The following DPP6 variants were observed in gnomAD, a reference collection of about 807,000 sequenced individuals.
DPP6 encodes the protein A-type potassium channel modulatory protein DPP6.
A neutral mutation model predicts 122.6 loss-of-function variants in DPP6; 69 were observed. The observed-to-expected ratio is 0.56, with a 90% CI of 0.46 to 0.69. The LOEUF is 0.69. DPP6 is among the 30% of genes least tolerant of loss of function. The probability of loss-of-function intolerance (pLI) is 0.00; values close to 1 mark genes in which losing one functional copy is unlikely to be tolerated. For missense variants in DPP6, 928 were observed against 1,116.9 expected (o/e 0.83, Z 2.41); for synonymous variants, 418 against 433.1 (o/e 0.97, Z 0.43).
chr7:154,497,634 G>T (rs1586457571), intron 3 of DPP6, among the ~76,000 whole-genome samples: 1 of 150,438 alleles, frequency 6.6e-6, no homozygotes, highest in Admixed American at 6.6e-5. Flanking sequence ...AAAAAGAAAA[G>T]AAAAAAGAGC....
intron 1 of DPP6, among the ~76,000 whole-genome samples, chr7:153,913,821 G>A (rs192892437): frequency 6.6e-6 from 1 of 152,178 alleles, no homozygotes; most frequent in Admixed American, 6.5e-5. Context: ...CTGAGTAAGG[G>A]GGGGAAGAGG....
At chr7:153,845,627 C>T in the DPP6 span, among the ~76,000 whole-genome samples, 9 of 151,890 alleles carry the variant, frequency 5.9e-5, no homozygotes, top group African/African-American at 1.4e-4. Context: ...TTGTGCTTTT[C>T]ATTTATCTGT....
rs1436214317 is a variant in DPP6 at position 154,241,184 on chromosome 7, T to TATGCGTGC, written c.243+188124_243+188125insCGTGCATG. Among the ~76,000 whole-genome samples the TATGCGTGC allele has an allele frequency of 5.7e-3, 573 of 100,684 alleles. 3 individuals carry two copies. The highest frequency in any genetic ancestry group is 0.024 in the African/African-American group (538 of 22,804). 66.1% of individuals were successfully genotyped at this position (100,684 alleles called of 152,430 possible). A position where few individuals can be genotyped will look rare whatever the true frequency, so the allele number is the denominator to read the frequency against. On this transcript the variant is annotated intron_variant, in intron 1 of 25. Transcript: ENST00000377770. The surrounding 1 kb of genome is among the most constrained non-coding windows in gnomAD (Gnocchi z 9.0). ...TGCACAGTAGGTAATTCAATATCAA[T>TATGCGTGC]ATGTGTGTGTGTGTGTGTGTGTGTG... is the stretch of plus-strand genomic sequence containing the variant.
At chr7:154,641,077 G>T (rs1036331907) in intron 6 of DPP6, among the ~76,000 whole-genome samples, 1 of 152,088 alleles carries the variant, frequency 6.6e-6, no homozygotes, top group Non-Finnish European at 1.5e-5. Flanking sequence ...TTTCAGGACG[G>T]ACTACCCCTT....
chr7:154,244,726 G>T (rs980123884), intron 1 of DPP6, among the ~76,000 whole-genome samples: 4 of 151,774 alleles, frequency 2.6e-5, no homozygotes, highest in African/African-American at 9.7e-5. Flanking sequence ...ACCTAATAAG[G>T]GAATTGAAAA....
chr7:154,015,691 C>T (rs1219931172), intron 1 of DPP6, among the ~76,000 whole-genome samples: 2 of 152,128 alleles, frequency 1.3e-5, no homozygotes, highest in East Asian at 3.9e-4. Flanking sequence ...GATCCCATCT[C>T]CAAAATATAC....
At chr7:154,489,137 G>C (rs1483123430) in intron 3 of DPP6, among the ~76,000 whole-genome samples, 4 of 152,146 alleles carry the variant, frequency 2.6e-5, no homozygotes, top group Non-Finnish European at 5.9e-5. Context: ...TGTTTATGGG[G>C]TCTTCCAACA....
chr7:154,055,733 G>T (rs1800770420), intron 1 of DPP6: 2 of 152,344 alleles, frequency 1.3e-5, no homozygotes, highest in South Asian at 2.1e-4. Context: ...TCTTGGCTTA[G>T]CGCAGGAGAA....
At chr7:153,792,067 T>A in the DPP6 span, among the ~76,000 whole-genome samples, 1 of 152,258 alleles carries the variant, frequency 6.6e-6, no homozygotes, top group South Asian at 2.1e-4. Context: ...CTAATATTTT[T>A]ATTGTACACA....
chr7:153,810,879 C>CT, the DPP6 span, among the ~76,000 whole-genome samples: 1 of 152,150 alleles, frequency 6.6e-6, no homozygotes, highest in African/African-American at 2.4e-5. Context: ...AGCCTCAGAA[C>CT]AAATCACACC....
intron 17 of DPP6, among the ~76,000 whole-genome samples, chr7:154,864,172 T>C (rs1411782407): frequency 1.3e-5 from 2 of 152,228 alleles, no homozygotes; most frequent in African/African-American, 4.8e-5. Context: ...GTTTTATTTC[T>C]TGTAGAAATG....
chr7:153,901,264 A>C (rs1208057961), intron 1 of DPP6, among the ~76,000 whole-genome samples: 3 of 152,198 alleles, frequency 2.0e-5, no homozygotes, highest in Non-Finnish European at 2.9e-5. Flanking sequence ...AAATGCTTAG[A>C]AATGTTTTAG....
chr7:154,252,117 A>T (rs1355946525), intron 1 of DPP6, among the ~76,000 whole-genome samples: 1 of 152,208 alleles, frequency 6.6e-6, no homozygotes, highest in African/African-American at 2.4e-5. Flanking sequence ...AAAAATGAAG[A>T]TATTCAATTA....
chr7:154,533,718 C>A (rs1292350902), intron 3 of DPP6, among the ~76,000 whole-genome samples: 1 of 152,090 alleles, frequency 6.6e-6, no homozygotes, highest in Non-Finnish European at 1.5e-5. Flanking sequence ...CAACAATAGG[C>A]CTGGCATGGT....
intron 1 of DPP6, among the ~76,000 whole-genome samples, chr7:154,222,730 C>T (rs1427939615): frequency 6.7e-6 from 1 of 149,286 alleles, no homozygotes; most frequent in Admixed American, 6.6e-5. Context: ...AGTAAAATAT[C>T]CAGATCCGGA....
chr7:154,184,550 C>T (rs1173048087), intron 1 of DPP6, among the ~76,000 whole-genome samples: 1 of 152,032 alleles, frequency 6.6e-6, no homozygotes, highest in Admixed American at 6.6e-5. Context: ...AAGGGGCACA[C>T]ACCTCCGACC....
chr7:154,034,114 A>C (rs371456867), intron 1 of DPP6, among the ~76,000 whole-genome samples: 460 of 152,298 alleles, frequency 3.0e-3, no homozygotes, highest in African/African-American at 0.01. Flanking sequence ...TGTAGGGCCA[A>C]CTAAATAACA....
intron 1 of DPP6, among the ~76,000 whole-genome samples, chr7:154,308,425 CTTTCT>C (rs1806564974): frequency 2.0e-5 from 3 of 152,142 alleles, no homozygotes; most frequent in African/African-American, 7.2e-5. Context: ...GACTATTTCT[CTTTCT>C]CTTTGGAGAT....
chr7:154,719,711 C>G (rs1158502201), intron 7 of DPP6, among the ~76,000 whole-genome samples: 1 of 152,242 alleles, frequency 6.6e-6, no homozygotes, highest in Non-Finnish European at 1.5e-5. Context: ...TGCAGTTCCC[C>G]TGCCTCCCTT....
Sources: allele counts gnomAD v4.1 joint callset (sites outside exome capture counted in the v4.1 genomes callset), GRCh38; gene constraint gnomAD v4.1.1; non-coding constraint Gnocchi (gnomAD v3.1); transcripts MANE v1.5; gene names NCBI Gene and HGNC (gene_info 2026-07-23, HGNC 2026-07-21).